The following ATAD2B variants were observed in gnomAD, a reference collection of about 807,000 sequenced individuals.
ATAD2B encodes ATPase family AAA domain-containing protein 2B.
A neutral mutation model predicts 167.6 loss-of-function variants in ATAD2B; 40 were observed. That is an observed-to-expected ratio of 0.24 (90% CI 0.19 to 0.31). The LOEUF is 0.31. Ranked by LOEUF, ATAD2B falls within the 10% of genes least tolerant of loss-of-function variation. ATAD2B has a pLI of 1.00. For missense variants in ATAD2B, 1,242 were observed against 1,757.2 expected (o/e 0.71, Z 5.24); for synonymous variants, 579 against 596.5 (o/e 0.97, Z 0.43).
At chr2:23,847,791 C>A (rs1387587899) in intron 13 of ATAD2B, among the ~76,000 whole-genome samples, 1 of 151,380 alleles carries the variant, frequency 6.6e-6, no homozygotes, top group African/African-American at 2.4e-5. Flanking sequence ...TCAAGATCAG[C>A]CTGGCTAATA....
intron 2 of ATAD2B, among the ~76,000 whole-genome samples, chr2:23,893,285 TA>T (rs760621384): frequency 2.6e-4 from 40 of 152,332 alleles, no homozygotes; most frequent in Admixed American, 1.6e-3. Context: ...TTTTCATAGC[TA>T]ATACTAATTC....
chr2:23,922,285 T>C (rs1704049274), intron 1 of ATAD2B, among the ~76,000 whole-genome samples: 2 of 152,178 alleles, frequency 1.3e-5, no homozygotes. Flanking sequence ...GATTGTTTAC[T>C]AGGAGTGACA....
At chr2:23,871,938 C>T (rs866815253) in intron 8 of ATAD2B, among the ~76,000 whole-genome samples, 2 of 152,038 alleles carry the variant, frequency 1.3e-5, no homozygotes, top group East Asian at 1.9e-4. Context: ...AGTGCAATGG[C>T]GCAATCTCGA....
At chr2:23,686,887 G>T in the ATAD2B span, among the ~76,000 whole-genome samples, 1 of 152,178 alleles carries the variant, frequency 6.6e-6, no homozygotes. Flanking sequence ...AAGTCGCCGT[G>T]TTCGTTTGCA....
the ATAD2B span, among the ~76,000 whole-genome samples, chr2:23,684,932 C>G: frequency 6.6e-6 from 1 of 152,212 alleles, no homozygotes; most frequent in Non-Finnish European, 1.5e-5. The surrounding 1 kb of genome is among the most constrained non-coding windows in gnomAD (Gnocchi z 4.4). Flanking sequence ...AGAGCAGGAT[C>G]CCCAGTGCCA....
intron 17 of ATAD2B, among the ~76,000 whole-genome samples, chr2:23,816,355 G>T (rs111703050): frequency 6.6e-6 from 1 of 152,056 alleles, no homozygotes; most frequent in Non-Finnish European, 1.5e-5. Context: ...TTAGAAACAA[G>T]TCTATTGTTC....
chr2:23,838,677 GGTTT>G (rs1396396838), intron 13 of ATAD2B, among the ~76,000 whole-genome samples: 3 of 152,066 alleles, frequency 2.0e-5, no homozygotes, highest in Admixed American at 1.3e-4. Flanking sequence ...GAGGAATCCA[GGTTT>G]TTTTTCCCAC....
At chr2:23,754,125 T>C in intron 27 of ATAD2B, 54 bp downstream of exon 27, 1 of 1,395,800 alleles carries the variant, frequency 7.2e-7, no homozygotes. Flanking sequence ...CTCTTTTCTT[T>C]GGAACAAGTA....
chr2:23,734,535 G>A, the ATAD2B span, among the ~76,000 whole-genome samples: 47 of 152,226 alleles, frequency 3.1e-4, no homozygotes, highest in African/African-American at 9.4e-4. Flanking sequence ...GCATGGCTGC[G>A]GAGGCCTCAG....
At chr2:23,804,376 G>T (rs1055045022) in intron 18 of ATAD2B, among the ~76,000 whole-genome samples, 5 of 152,098 alleles carry the variant, frequency 3.3e-5, no homozygotes, top group Non-Finnish European at 7.4e-5. Flanking sequence ...GCACTTCATG[G>T]CTCGTCCTGG....
chr2:23,862,327 T>C (rs1167981015), intron 12 of ATAD2B, among the ~76,000 whole-genome samples: 1 of 151,876 alleles, frequency 6.6e-6, no homozygotes, highest in Admixed American at 6.6e-5. Context: ...TAATCAAATA[T>C]ATGCTGCATT....
chr2:23,779,332 C>T (rs1261886181), intron 22 of ATAD2B, among the ~76,000 whole-genome samples: 3 of 151,760 alleles, frequency 2.0e-5, no homozygotes, highest in East Asian at 1.9e-4. Context: ...CCCACCACCA[C>T]GCCTCGCTAA....
At chr2:23,892,837 T>C (rs1699725881) in intron 2 of ATAD2B, among the ~76,000 whole-genome samples, 1 of 152,196 alleles carries the variant, frequency 6.6e-6, no homozygotes, top group Non-Finnish European at 1.5e-5. Context: ...TTATTCTAGA[T>C]ATATATCAGG....
chr2:23,819,492 C>CAA (rs1171377752), intron 17 of ATAD2B, among the ~76,000 whole-genome samples: 5 of 76,192 alleles, frequency 6.6e-5, no homozygotes, highest in Admixed American at 1.4e-4. Flanking sequence ...CTCTGCCTCC[C>CAA]AAAAAAAAAA....
chr2:23,717,761 A>G, the ATAD2B span, among the ~76,000 whole-genome samples: 2 of 152,196 alleles, frequency 1.3e-5, no homozygotes, highest in Non-Finnish European at 2.9e-5. Flanking sequence ...GCTACAAAAG[A>G]AAATGATAAC....
intron 18 of ATAD2B, among the ~76,000 whole-genome samples, chr2:23,802,708 T>A (rs1359813089): frequency 1.3e-5 from 2 of 149,050 alleles, no homozygotes; most frequent in African/African-American, 4.9e-5. Flanking sequence ...CACAAAAGCA[T>A]CCAAAATATA....
chr2:23,711,391 A>G, the ATAD2B span, among the ~76,000 whole-genome samples: 1 of 95,878 alleles, frequency 1.0e-5, no homozygotes, highest in Non-Finnish European at 1.8e-5. Context: ...TTGGAGACAG[A>G]GTCTCACTCT....
intron 4 of ATAD2B, among the ~76,000 whole-genome samples, chr2:23,887,582 A>G (rs181975438): frequency 3.0e-4 from 45 of 152,298 alleles, no homozygotes; most frequent in African/African-American, 9.6e-4. Context: ...TGAGAAGAGT[A>G]AAGTTTTACA....
chr2:23,784,798 T>C (rs1680572696), intron 21 of ATAD2B, among the ~76,000 whole-genome samples: 1 of 151,914 alleles, frequency 6.6e-6, no homozygotes, highest in African/African-American at 2.4e-5. Context: ...CCCAGCAATA[T>C]AAACTGATAT....
Sources: gnomAD v4.1 joint callset for allele counts (sites outside exome capture counted in the v4.1 genomes callset) on GRCh38, gnomAD v4.1.1 for gene constraint, Gnocchi (gnomAD v3.1) non-coding constraint, MANE v1.5 for transcripts, NCBI Gene and HGNC (gene_info 2026-07-23, HGNC 2026-07-21) for gene names.